The following RREB1 variants were observed in gnomAD, a reference collection of about 807,000 sequenced individuals.
RREB1 encodes the protein ras responsive element binding protein 1, also known as ras-responsive element-binding protein 1.
RREB1 carries 27 observed loss-of-function variants against 117.8 expected under a neutral mutation model. The observed-to-expected ratio is 0.23, with a 90% confidence interval of 0.17 to 0.32. The LOEUF (loss-of-function observed/expected upper bound fraction) is 0.32. Ranked by LOEUF, RREB1 falls within the 10% of genes least tolerant of loss-of-function variation. The pLI is 1.00. For missense variants in RREB1, 2,577 were observed against 2,378.2 expected (o/e 1.08, Z -1.74); for synonymous variants, 1,298 against 1,026.7 (o/e 1.26, Z -5.05).
intron 1 of RREB1, among the ~76,000 whole-genome samples, chr6:7,144,155 CATT>C (rs533176661): frequency 3.3e-5 from 5 of 151,810 alleles, no homozygotes; most frequent in Non-Finnish European, 7.4e-5. Flanking sequence ...TTTCCTAAGT[CATT>C]ATATTTTTTC....
chr6:7,230,988 G>A lies in RREB1; in HGVS notation c.2889G>A (p.Ala963=), dbSNP rs1767922291. The A allele has an allele frequency of 3.7e-6, 6 of 1,613,962 alleles. No individual in the cohort carries two copies. Among genetic ancestry groups the A allele is most frequent in the South Asian group, 1.1e-5 (1 of 91,074 alleles). The part of the protein sequence containing the change: ...PSEAKKPEEE[A]GSSEQPSPCP... ...AAGCCAAGAAGCCTGAGGAGGAGGC[G>A]GGGAGCAGCGAGCAGCCCTCTCCCT... The change falls in exon 10 of 13, where the codon GCG becomes GCA. Residue 963 remains alanine, a synonymous_variant. Transcript: ENST00000379938.
intron 6 of RREB1, among the ~76,000 whole-genome samples, chr6:7,199,935 A>G (rs1765859676): frequency 6.6e-6 from 1 of 152,210 alleles, no homozygotes; most frequent in South Asian, 2.1e-4. Flanking sequence ...TGAATAATCG[A>G]AAGCTGCCAC....
intron 8 of RREB1, chr6:7,217,836 G>A (rs553125726): frequency 2.0e-5 from 3 of 152,096 alleles, no homozygotes; most frequent in Non-Finnish European, 4.4e-5. Context: ...GCACTCTATG[G>A]CTATCCCATT....
intron 1 of RREB1, among the ~76,000 whole-genome samples, chr6:7,152,307 C>T (rs1245955867): frequency 6.6e-6 from 1 of 152,178 alleles, no homozygotes; most frequent in Non-Finnish European, 1.5e-5. Context: ...TCTCTAATTT[C>T]TTATAAGTGG....
chr6:7,189,756 A>G lies in RREB1; in HGVS notation c.425+434A>G, dbSNP rs551608916. 1.4e-4 allele frequency among the ~76,000 whole-genome samples: 21 copies of G among 152,362 alleles called. No individual in the cohort carries two copies. In the South Asian group the frequency reaches 2.9e-3, roughly 21 times the overall value. On this transcript the variant is annotated intron_variant, in intron 6 of 12. Coordinates refer to ENST00000379938, the MANE Select transcript of RREB1 (RefSeq NM_001003699.4). ...TCTGGGACCTTTTAATAAATAGTTAAGTGGACTGGTCCTGGAGCTTCAGGA... is the reference window on the plus strand; with the variant it reads ...TCTGGGACCTTTTAATAAATAGTTAGGTGGACTGGTCCTGGAGCTTCAGGA...
intron 1 of RREB1, among the ~76,000 whole-genome samples, chr6:7,132,522 G>A (rs1273190823): frequency 1.3e-5 from 2 of 152,224 alleles, no homozygotes; most frequent in Non-Finnish European, 2.9e-5. Flanking sequence ...GCTTGCCATA[G>A]TGCCTGGCAC....
chr6:7,167,755 A>G (rs920741581), intron 1 of RREB1, among the ~76,000 whole-genome samples: 2 of 152,200 alleles, frequency 1.3e-5, no homozygotes, highest in African/African-American at 4.8e-5. Context: ...GACTACCTGG[A>G]ATGTTGGAGG....
At position 7,180,032 on chromosome 6, in the gene RREB1, T is replaced by C. The variant is rs1461847229; in HGVS notation, c.-165-1092T>C. Among the ~76,000 whole-genome samples, 3 of 152,088 alleles carry C rather than the reference T, an allele frequency of 2.0e-5. No homozygotes were observed. In the East Asian group the frequency reaches 5.8e-4, roughly 29 times the overall value. On this transcript the variant is annotated intron_variant, in intron 2 of 12. Coordinates refer to ENST00000379938, the MANE Select transcript of RREB1 (RefSeq NM_001003699.4). ...GAAAGATGAAAGTATAGATGTTTTTTTGGGGGGTGGGGGCTGTAGCTTTCT... is the reference window on the plus strand; with the variant it reads ...GAAAGATGAAAGTATAGATGTTTTTCTGGGGGGTGGGGGCTGTAGCTTTCT...
intron 6 of RREB1, among the ~76,000 whole-genome samples, chr6:7,205,293 A>G (rs1766212676): frequency 6.6e-6 from 1 of 152,186 alleles, no homozygotes; most frequent in Non-Finnish European, 1.5e-5. Flanking sequence ...GGTGGTGCCC[A>G]TGCTGCTGGT....
intron 11 of RREB1, among the ~76,000 whole-genome samples, 187 bp from the exon 12 acceptor site, chr6:7,246,237 C>T (rs551713584): frequency 2.4e-4 from 36 of 152,314 alleles, no homozygotes; most frequent in Admixed American, 1.7e-3. Flanking sequence ...CCTTTCTTCA[C>T]GTCCCCAGGG....
chr6:7,221,193 G>A (rs796945269), intron 8 of RREB1, among the ~76,000 whole-genome samples: 4 of 151,120 alleles, frequency 2.6e-5, no homozygotes, highest in South Asian at 4.2e-4. Context: ...ACGGAGTCTC[G>A]CTCTGTCGCC....
chr6:7,224,026 T>G (rs1457857129), intron 8 of RREB1, among the ~76,000 whole-genome samples: 9 of 136,036 alleles, frequency 6.6e-5, no homozygotes, highest in Admixed American at 6.2e-4. Flanking sequence ...CAGTGCAGAT[T>G]GGACAGAATA....
chr6:7,109,014 G>A (rs1177171677), intron 1 of RREB1, among the ~76,000 whole-genome samples: 1 of 141,196 alleles, frequency 7.1e-6, no homozygotes, highest in Non-Finnish European at 1.5e-5. Context: ...GAGCTAGCCT[G>A]CCTCGCGGGC....
At chr6:7,120,296 A>G (rs1761619548) in intron 1 of RREB1, among the ~76,000 whole-genome samples, 1 of 152,074 alleles carries the variant, frequency 6.6e-6, no homozygotes, top group Non-Finnish European at 1.5e-5. Flanking sequence ...CTACAAAAAA[A>G]TACAAACCTT....
intron 6 of RREB1, among the ~76,000 whole-genome samples, chr6:7,208,905 T>G (rs1035100457): frequency 6.6e-6 from 1 of 152,074 alleles, no homozygotes; most frequent in Non-Finnish European, 1.5e-5. Flanking sequence ...TAGGCTGGGT[T>G]TGGGGGAAGA....
In RREB1 at chr6:7,230,935, G is replaced by C. The variant is rs1298825776; in HGVS notation, c.2836G>C (p.Gly946Arg). 6.2e-7 allele frequency: 1 copy of C among 1,614,028 alleles called. No homozygotes were observed. Among genetic ancestry groups the C allele is most frequent in the Admixed American group, 1.7e-5 (1 of 60,002 alleles). The change falls in exon 10 of 13, where the codon GGG becomes CGG. Residue 946 changes from glycine to arginine, a missense_variant. Physicochemically the swap from Gly to Arg is moderately radical, Grantham distance 125. Transcript: ENST00000379938. ...GTCCATCCCCAAGAACTTCAGGAAA[G>C]GGGACAAGGATTTGGCCACTCCCAG... ...DLSIPKNFRK[G>R]DKDLATPSEA...
At chr6:7,213,601 G>C (rs1291183269) in intron 8 of RREB1, 1 of 152,304 alleles carries the variant, frequency 6.6e-6, no homozygotes, top group Non-Finnish European at 1.5e-5. Context: ...GCATCCCCAG[G>C]ATGTGGGCTT....
intron 6 of RREB1, among the ~76,000 whole-genome samples, chr6:7,191,924 A>G (rs1001759457): frequency 6.6e-6 from 1 of 152,138 alleles, no homozygotes; most frequent in Non-Finnish European, 1.5e-5. Flanking sequence ...AATGTCAAAT[A>G]GAAGTGAAGA....
intron 1 of RREB1, among the ~76,000 whole-genome samples, chr6:7,136,903 A>G (rs1284086957): frequency 6.6e-6 from 1 of 152,212 alleles, no homozygotes; most frequent in Non-Finnish European, 1.5e-5. Flanking sequence ...TATCCCCCTT[A>G]TGTGAGGTGG....
Sources: gnomAD v4.1 joint callset for allele counts (sites outside exome capture counted in the v4.1 genomes callset) on GRCh38, gnomAD v4.1.1 for gene constraint, MANE v1.5 for transcripts, NCBI Gene and HGNC (gene_info 2026-07-23, HGNC 2026-07-21) for gene names.